Variants in PARD3B observed in about 807,000 individuals in gnomAD.
PARD3B encodes par-3 family cell polarity regulator beta.
Under a neutral mutation model 130.2 loss-of-function variants are expected in PARD3B, and 103 were observed. The observed-to-expected ratio is 0.79, with a 90% confidence interval of 0.67 to 0.93. The LOEUF (loss-of-function observed/expected upper bound fraction) is 0.93, where lower values mean the gene tolerates loss of function less well. PARD3B is among the 40% of genes least tolerant of loss of function. The pLI is 0.00. For missense variants in PARD3B, 1,609 were observed against 1,499.2 expected (o/e 1.07, Z -1.21); for synonymous variants, 583 against 553.2 (o/e 1.05, Z -0.76).
chr2:204,861,924 CAAAA>C (rs60473341), intron 2 of PARD3B, among the ~76,000 whole-genome samples: 235 of 34,050 alleles, frequency 6.9e-3, no homozygotes, highest in Admixed American at 0.014. Flanking sequence ...AGACATTTCT[CAAAA>C]AAAAAAAAAA....
chr2:204,758,618 G>A (rs2040774541), intron 2 of PARD3B, among the ~76,000 whole-genome samples: 2 of 152,164 alleles, frequency 1.3e-5, no homozygotes, highest in Non-Finnish European at 2.9e-5. Flanking sequence ...CCAGGTATGA[G>A]TATATTTTAA....
chr2:204,873,282 G>A (rs3919589), intron 2 of PARD3B, among the ~76,000 whole-genome samples: 2 of 152,108 alleles, frequency 1.3e-5, no homozygotes, highest in South Asian at 4.1e-4. Context: ...TAAAGAGGAC[G>A]TGAATGCCAT....
At chr2:204,726,532 A>G (rs554498180) in intron 2 of PARD3B, among the ~76,000 whole-genome samples, 29 of 152,282 alleles carry the variant, frequency 1.9e-4, no homozygotes, top group Admixed American at 7.8e-4. Context: ...TCAAAGCCCC[A>G]GTGAAGCCCC....
intron 11 of PARD3B, among the ~76,000 whole-genome samples, chr2:205,166,944 C>G (rs1576034865): frequency 6.6e-6 from 1 of 152,156 alleles, no homozygotes; most frequent in African/African-American, 2.4e-5. Flanking sequence ...CTCTCAACAC[C>G]CTGGACTAAT....
intron 3 of PARD3B, among the ~76,000 whole-genome samples, chr2:204,985,639 C>T (rs982146355): frequency 9.2e-5 from 14 of 152,072 alleles, no homozygotes; most frequent in African/African-American, 3.4e-4. Context: ...GGCAGAGGGC[C>T]CACCTCAGCC....
intron 2 of PARD3B, among the ~76,000 whole-genome samples, chr2:204,953,088 A>C (rs942025790): frequency 6.7e-6 from 1 of 149,650 alleles, no homozygotes; most frequent in Non-Finnish European, 1.5e-5. Flanking sequence ...AGAGAGAGAG[A>C]CAGAGTCAAT....
intron 4 of PARD3B, among the ~76,000 whole-genome samples, chr2:205,074,216 T>C (rs1489633562): frequency 1.3e-5 from 2 of 152,222 alleles, no homozygotes; most frequent in Non-Finnish European, 2.9e-5. Context: ...ATTTTGCTAA[T>C]CTTCAAATTG....
chr2:204,970,888 G>A (rs1254331955), intron 3 of PARD3B, among the ~76,000 whole-genome samples: 2 of 152,188 alleles, frequency 1.3e-5, no homozygotes, highest in Non-Finnish European at 2.9e-5. Flanking sequence ...CTATTTGAAA[G>A]TGATTCTTGT....
intron 2 of PARD3B, among the ~76,000 whole-genome samples, chr2:204,825,216 A>C (rs1265333391): frequency 1.3e-5 from 2 of 152,192 alleles, no homozygotes; most frequent in African/African-American, 4.8e-5. Context: ...GTTGATTTGC[A>C]TTCCAGCTTT....
Position 205,015,969 on chromosome 2 carries a change from T to G in PARD3B, c.395-31612T>G, listed in dbSNP as rs1189016691. 6.6e-6 allele frequency among the ~76,000 whole-genome samples: 1 copy of G among 152,190 alleles called. No individual in the cohort carries two copies. The highest frequency in any genetic ancestry group is 1.5e-5 in the Non-Finnish European group (1 of 68,036). On this transcript the variant is annotated intron_variant, in intron 3 of 22. Coordinates refer to ENST00000406610, the MANE Select transcript of PARD3B (RefSeq NM_001302769.2). The surrounding 1 kb of genome is among the most constrained non-coding windows in gnomAD (Gnocchi z 4.5). ...AGGCCACCACTCCCAACAGTTACAC[T>G]GAAGTTGATTTGCCTGGAAATGCAA...
At chr2:205,239,744 C>T (rs1038005536) in intron 15 of PARD3B, among the ~76,000 whole-genome samples, 12 of 152,194 alleles carry the variant, frequency 7.9e-5, no homozygotes, top group African/African-American at 2.6e-4. Flanking sequence ...CCTATGTCAC[C>T]ATGGCTGAGA....
chr2:204,626,040 C>G (rs185400428), intron 1 of PARD3B, among the ~76,000 whole-genome samples: 169 of 152,186 alleles, frequency 1.1e-3, no homozygotes, highest in Non-Finnish European at 2.2e-3. Flanking sequence ...GGCATAAAGA[C>G]TCATCAGTCA....
chr2:204,634,704 A>G (rs1344176463), intron 1 of PARD3B, among the ~76,000 whole-genome samples: 1 of 152,122 alleles, frequency 6.6e-6, no homozygotes, highest in African/African-American at 2.4e-5. Context: ...AGAAACTTAA[A>G]TGTATTTTTG....
intron 4 of PARD3B, among the ~76,000 whole-genome samples, chr2:205,075,131 A>G (rs943499507): frequency 1.2e-4 from 18 of 152,186 alleles, no homozygotes; most frequent in African/African-American, 4.1e-4. Flanking sequence ...ACTACTTACA[A>G]TTTGAAATGG....
intron 2 of PARD3B, among the ~76,000 whole-genome samples, chr2:204,741,517 T>C (rs938088706): frequency 3.9e-5 from 6 of 152,156 alleles, no homozygotes; most frequent in Admixed American, 3.9e-4. Flanking sequence ...AGTATTTCCT[T>C]AGATTTATAG....
At chr2:205,240,790 T>G (rs184040387) in intron 15 of PARD3B, among the ~76,000 whole-genome samples, 2 of 152,284 alleles carry the variant, frequency 1.3e-5, no homozygotes, top group Non-Finnish European at 2.9e-5. Context: ...ATGCTATCAA[T>G]AAGCAAGGGG....
chr2:204,734,208 C>A (rs1461399233), intron 2 of PARD3B, among the ~76,000 whole-genome samples: 1 of 152,122 alleles, frequency 6.6e-6, no homozygotes. Flanking sequence ...ATCAAAATTA[C>A]AGTGATAACA....
chr2:205,541,343 CTTTG>C (rs1470388540), intron 21 of PARD3B, among the ~76,000 whole-genome samples: 1 of 113,270 alleles, frequency 8.8e-6, no homozygotes, highest in African/African-American at 3.0e-5. Context: ...CTCACAGAAA[CTTTG>C]TTTTTTTTTT....
chr2:205,219,433 G>A (rs1266031390), intron 15 of PARD3B, among the ~76,000 whole-genome samples: 2 of 152,168 alleles, frequency 1.3e-5, no homozygotes, highest in Non-Finnish European at 1.5e-5. Context: ...CAATGAATCT[G>A]GATGACAACT....
Sources: gnomAD v4.1 joint callset for allele counts (sites outside exome capture counted in the v4.1 genomes callset) on GRCh38, gnomAD v4.1.1 for gene constraint, Gnocchi (gnomAD v3.1) non-coding constraint, MANE v1.5 for transcripts, NCBI Gene and HGNC (gene_info 2026-07-23, HGNC 2026-07-21) for gene names.